The following IQCH variants were observed in gnomAD, a reference collection of about 807,000 sequenced individuals.
IQCH encodes IQ domain-containing protein H.
In IQCH, 98 loss-of-function variants were observed where a neutral mutation model predicts 117.0. The ratio of observed to expected loss-of-function variants is 0.84; its 90% CI spans 0.71 to 0.99. The LOEUF (loss-of-function observed/expected upper bound fraction) is 0.99. Among genes scored for constraint, IQCH ranks in the 50% least tolerant of loss-of-function variants. The pLI, the probability that IQCH is intolerant of heterozygous loss-of-function variation, is 0.00. For missense variants in IQCH, 1,102 were observed against 1,243.8 expected (o/e 0.89, Z 1.72); for synonymous variants, 412 against 448.2 (o/e 0.92, Z 1.02).
chr15:67,338,205 G>GTCTATCTA (rs10528833), intron 5 of IQCH, among the ~76,000 whole-genome samples: 10,724 of 105,554 alleles, frequency 0.1, 424 homozygotes, highest in African/African-American at 0.12. Flanking sequence ...ATATCTGTCT[G>GTCTATCTA]TCTATCTATC....
Position 67,417,350 on chromosome 15 carries a change from C to T in IQCH, c.2218+299C>T, listed in dbSNP as rs554094109. On this transcript the variant is annotated intron_variant, in intron 15 of 20. Coordinates refer to ENST00000335894, the MANE Select transcript of IQCH (RefSeq NM_001031715.3). The surrounding 1 kb of genome is among the most constrained non-coding windows in gnomAD (Gnocchi z 4.3). ...GAATCAGATTACCTGGGTCTGGACC[C>T]CATCCATGACCTTGAGCAAGGTTCT... Among the ~76,000 whole-genome samples the T allele has an allele frequency of 6.6e-6, 1 of 152,266 alleles. No homozygotes were observed. The highest frequency in any genetic ancestry group is 1.9e-4 in the East Asian group (1 of 5,182).
intron 16 of IQCH, among the ~76,000 whole-genome samples, chr15:67,437,658 A>G (rs1221545678): frequency 6.6e-6 from 1 of 152,240 alleles, no homozygotes. Flanking sequence ...AAATGATACA[A>G]GAAATGAAGG....
At position 67,376,987 on chromosome 15, in the gene IQCH, C is replaced by T. The variant is rs911340597; in HGVS notation, c.1372+3554C>T. On this transcript the variant is annotated intron_variant, in intron 10 of 20. Transcript: ENST00000335894. This position sits in a 1 kb window ranked among gnomAD's most constrained non-coding sequence, Gnocchi z 5.0. ...CAAAAATTAGCTGGGTGTGGTGGCA[C>T]GCACCTGTAGTCCCAGCTACTCAGG... 6.6e-6 allele frequency among the ~76,000 whole-genome samples: 1 copy of T among 151,652 alleles called. No homozygotes were observed. The highest frequency in any genetic ancestry group is 2.4e-5 in the African/African-American group (1 of 41,244).
Position 67,453,276 on chromosome 15 carries a change from G to A in IQCH, c.2506-11851G>A, listed in dbSNP as rs868158999. 5.3e-5 allele frequency among the ~76,000 whole-genome samples: 8 copies of A among 152,170 alleles called. No individual in the cohort carries two copies. The highest frequency in any genetic ancestry group is 2.0e-4 in the Admixed American group (3 of 15,276). On this transcript the variant is annotated intron_variant, in intron 16 of 20. Coordinates refer to ENST00000335894, the MANE Select transcript of IQCH (RefSeq NM_001031715.3). This position sits in a 1 kb window ranked among gnomAD's most constrained non-coding sequence, Gnocchi z 5.8. The stretch of plus-strand genomic sequence containing the variant: ...TGTTCCGTTGCTGGTGAGGAGCTGC[G>A]TTCCTTTGGAGGAGGAGAGGCGCTC...
intron 1 of IQCH, among the ~76,000 whole-genome samples, chr15:67,259,039 G>A (rs575470775): frequency 6.6e-6 from 1 of 152,288 alleles, no homozygotes; most frequent in South Asian, 2.1e-4. Flanking sequence ...TAACATTTAC[G>A]TAAATTCAAT....
At position 67,383,106 on chromosome 15, in the gene IQCH, TTTGTTG is replaced by T. The variant is rs10605551; in HGVS notation, c.1373-1815_1373-1810del. 7.9e-5 allele frequency among the ~76,000 whole-genome samples: 12 copies of T among 152,114 alleles called. No homozygotes were observed. In the South Asian group the frequency reaches 1.2e-3, roughly 16 times the overall value. On this transcript the variant is annotated intron_variant, in intron 10 of 20. Transcript: ENST00000335894. ...GAATGGTCTGTTGCTTGTCACAGAGTTTGTTGTTGTTGTTGTTGTTATATGTTTTGG... is the reference window on the plus strand; with the variant it reads ...GAATGGTCTGTTGCTTGTCACAGAGTTTGTTGTTGTTGTTATATGTTTTGG...
intron 3 of IQCH, among the ~76,000 whole-genome samples, chr15:67,269,909 A>G (rs1965831606): frequency 6.6e-6 from 1 of 152,134 alleles, no homozygotes; most frequent in South Asian, 2.1e-4. Flanking sequence ...GGTTGATTCC[A>G]AGTTTTGTTC....
intron 16 of IQCH, among the ~76,000 whole-genome samples, chr15:67,441,122 CAAAAAAAAAAAAAAAAA>C (rs200254535): frequency 1.4e-3 from 75 of 54,004 alleles, no homozygotes; most frequent in East Asian, 6.6e-3. Flanking sequence ...GCAATAGCTG[CAAAAAAAAAAAAAAAAA>C]AAAAAAAAAA....
chr15:67,321,704 A>G (rs1022415355), intron 4 of IQCH, among the ~76,000 whole-genome samples: 1 of 151,816 alleles, frequency 6.6e-6, no homozygotes, highest in Non-Finnish European at 1.5e-5. Flanking sequence ...GGCTTTTATC[A>G]GAAGCCAAAT....
chr15:67,474,998 A>C lies in IQCH; in HGVS notation c.2677-698A>C, dbSNP rs576180374. Among the ~76,000 whole-genome samples the C allele has an allele frequency of 6.6e-6, 1 of 152,308 alleles. No individual in the cohort carries two copies. The highest frequency in any genetic ancestry group is 1.9e-4 in the East Asian group (1 of 5,186). On this transcript the variant is annotated intron_variant, in intron 17 of 20. Transcript: ENST00000335894. This position sits in a 1 kb window ranked among gnomAD's most constrained non-coding sequence, Gnocchi z 4.1. Reference sequence around the variant, plus strand: ...GAGAGATTTCACAAAATGCTTGCCCATTACTCCTCGGAACTGTTAAGATCA... The same window carrying C: ...GAGAGATTTCACAAAATGCTTGCCCCTTACTCCTCGGAACTGTTAAGATCA...
rs1487800650 is a variant in IQCH at position 67,472,446 on chromosome 15, G to A, written c.2677-3250G>A. On this transcript the variant is annotated intron_variant, in intron 17 of 20. Transcript: ENST00000335894. The surrounding 1 kb of genome is among the most constrained non-coding windows in gnomAD (Gnocchi z 4.3). The stretch of plus-strand genomic sequence containing the variant: ...TGACACAGACCAACCTGTGTTAGGG[G>A]GAAATGATTAATCCGGTGATACTGT... 6.6e-6 allele frequency among the ~76,000 whole-genome samples: 1 copy of A among 152,156 alleles called. No individual in the cohort carries two copies. The highest frequency in any genetic ancestry group is 1.5e-5 in the Non-Finnish European group (1 of 68,026).
chr15:67,314,704 G>A (rs1270743852), intron 4 of IQCH, among the ~76,000 whole-genome samples: 1 of 152,170 alleles, frequency 6.6e-6, no homozygotes, highest in Non-Finnish European at 1.5e-5. Flanking sequence ...GTGCTGAACT[G>A]AGGACACAGG....
intron 4 of IQCH, among the ~76,000 whole-genome samples, chr15:67,334,282 C>G (rs561681665): frequency 6.6e-6 from 1 of 152,114 alleles, no homozygotes; most frequent in South Asian, 2.1e-4. Context: ...TACTTGAATC[C>G]TTTCAGGCGA....
intron 8 of IQCH, among the ~76,000 whole-genome samples, chr15:67,362,301 A>C (rs2140754957): frequency 6.6e-6 from 1 of 152,282 alleles, no homozygotes; most frequent in East Asian, 1.9e-4. Context: ...AATTTAAAAA[A>C]AAAATCCAAA....
intron 4 of IQCH, among the ~76,000 whole-genome samples, chr15:67,331,788 C>T (rs1968676844): frequency 1.3e-5 from 2 of 152,146 alleles, no homozygotes; most frequent in African/African-American, 4.8e-5. Context: ...ACATTCTAAT[C>T]CCAGTGGTGG....
chr15:67,301,074 G>A (rs954614359), intron 4 of IQCH, among the ~76,000 whole-genome samples: 1 of 152,068 alleles, frequency 6.6e-6, no homozygotes, highest in African/African-American at 2.4e-5. Context: ...AGTTTAGATT[G>A]TCTAGTGACT....
In IQCH at chr15:67,372,207, T is replaced by A. The variant is rs771201293; in HGVS notation, c.850T>A (p.Phe284Ile). 9.3e-6 allele frequency: 15 copies of A among 1,613,986 alleles called. No individual in the cohort carries two copies. Among genetic ancestry groups the A allele is most frequent in the Non-Finnish European group, 1.2e-5 (14 of 1,179,994 alleles). Reference sequence around the variant, plus strand: ...TGTCATAGACAATACAGCCCCAGACTTCTTAGCATTCAAGGAACATTTTAG... The same window carrying A: ...TGTCATAGACAATACAGCCCCAGACATCTTAGCATTCAAGGAACATTTTAG... ...DGVIDNTAPDFLAFKEHFSLA... is the reference protein window; with the variant it reads ...DGVIDNTAPDILAFKEHFSLA... Residue 284 changes from phenylalanine (F) to isoleucine (I), a missense_variant, in exon 9 of 21, where the codon TTC becomes ATC. Coordinates refer to ENST00000335894, the MANE Select transcript of IQCH (RefSeq NM_001031715.3).
intron 3 of IQCH, among the ~76,000 whole-genome samples, chr15:67,266,835 G>A (rs1358182306): frequency 6.6e-6 from 1 of 151,708 alleles, no homozygotes; most frequent in Non-Finnish European, 1.5e-5. Flanking sequence ...TTCTAATATG[G>A]GTGAAAAAAA....
intron 20 of IQCH, among the ~76,000 whole-genome samples, chr15:67,495,258 C>T (rs934622042): frequency 1.3e-5 from 2 of 151,820 alleles, no homozygotes; most frequent in African/African-American, 4.8e-5. Context: ...GAAGAATGAC[C>T]ACTGCTTTCC....
Sources: gnomAD v4.1 joint callset for allele counts (sites outside exome capture counted in the v4.1 genomes callset) on GRCh38, gnomAD v4.1.1 for gene constraint, Gnocchi (gnomAD v3.1) non-coding constraint, MANE v1.5 for transcripts, NCBI Gene and HGNC (gene_info 2026-07-23, HGNC 2026-07-21) for gene names.